Variants in AGBL4 observed in about 807,000 individuals in gnomAD.
The protein encoded by AGBL4 is cytosolic carboxypeptidase 6.
In AGBL4, 58 loss-of-function variants were observed where a neutral mutation model predicts 66.4. The observed-to-expected ratio is 0.87, with a 90% CI of 0.71 to 1.09. AGBL4 has a LOEUF of 1.09. AGBL4 is among the 50% of genes least tolerant of loss of function. AGBL4 has a pLI of 0.00. For missense variants in AGBL4, 579 were observed against 631.0 expected (o/e 0.92, Z 0.88); for synonymous variants, 234 against 222.9 (o/e 1.05, Z -0.44).
intron 1 of AGBL4, among the ~76,000 whole-genome samples, chr1:49,918,976 C>T (rs373987183): frequency 3.3e-5 from 5 of 152,130 alleles, no homozygotes; most frequent in South Asian, 2.1e-4. Context: ...GAACCAAAGA[C>T]AAAAACCACA....
intron 3 of AGBL4, among the ~76,000 whole-genome samples, chr1:49,490,713 G>A (rs988956583): frequency 6.6e-6 from 1 of 151,696 alleles, no homozygotes; most frequent in African/African-American, 2.4e-5. Flanking sequence ...CAAACCACAT[G>A]GTTGGAGTTT....
intron 4 of AGBL4, among the ~76,000 whole-genome samples, chr1:49,223,837 T>C (rs1367173684): frequency 6.6e-6 from 1 of 152,192 alleles, no homozygotes. Flanking sequence ...CCTTTCTATC[T>C]TTCTTCTCTT....
At chr1:49,343,572 G>T (rs1439361738) in intron 3 of AGBL4, among the ~76,000 whole-genome samples, 2 of 152,128 alleles carry the variant, frequency 1.3e-5, no homozygotes, top group African/African-American at 4.8e-5. Context: ...AATTGGCTTT[G>T]GGTTGTCCAC....
intron 5 of AGBL4, among the ~76,000 whole-genome samples, chr1:48,914,824 G>C (rs1303870981): frequency 1.3e-5 from 2 of 152,128 alleles, no homozygotes; most frequent in East Asian, 3.9e-4. Flanking sequence ...TGACACATAA[G>C]GAAGAGGAAG....
At chr1:49,604,373 T>C (rs544950438) in intron 3 of AGBL4, among the ~76,000 whole-genome samples, 3 of 152,352 alleles carry the variant, frequency 2.0e-5, no homozygotes, top group Admixed American at 6.5e-5. Context: ...TTTTTATATG[T>C]TCTTTTGAGA....
rs115014233 is a variant in AGBL4, at chr1:49,337,042, A to G, written c.283-91178T>C. ...ATATCTATCCCATTAGCTTTTTCTAATCATCTCAAGAAAAAGTTCAGCAAG... is the reference window on the plus strand; with the variant it reads ...ATATCTATCCCATTAGCTTTTTCTAGTCATCTCAAGAAAAAGTTCAGCAAG... On this transcript the variant is annotated intron_variant, in intron 3 of 13. Transcript: ENST00000371839. Among the ~76,000 whole-genome samples, 934 of 152,294 alleles carry G rather than the reference A, an allele frequency of 6.1e-3. 11 individuals are homozygous for G. Among genetic ancestry groups the G allele is most frequent in the African/African-American group, 0.022 (901 of 41,574 alleles).
chr1:48,938,528 A>C (rs1655671503), intron 5 of AGBL4, among the ~76,000 whole-genome samples: 1 of 152,162 alleles, frequency 6.6e-6, no homozygotes, highest in Non-Finnish European at 1.5e-5. Flanking sequence ...GAATGATAAG[A>C]AGTCAGCAAA....
chr1:48,844,608 G>A (rs1646872707), intron 6 of AGBL4, among the ~76,000 whole-genome samples: 1 of 152,064 alleles, frequency 6.6e-6, no homozygotes, highest in African/African-American at 2.4e-5. Context: ...CTTCTCCTTT[G>A]CTTAGAACAC....
At chr1:49,287,659 A>G (rs1360981983) in intron 3 of AGBL4, among the ~76,000 whole-genome samples, 16 of 152,122 alleles carry the variant, frequency 1.1e-4, no homozygotes, top group South Asian at 4.2e-4. Flanking sequence ...CAAAACCACA[A>G]TGAGATACCA....
At chr1:49,566,393 A>G (rs1349109843) in intron 3 of AGBL4, among the ~76,000 whole-genome samples, 2 of 151,020 alleles carry the variant, frequency 1.3e-5, no homozygotes, top group Non-Finnish European at 3.0e-5. Context: ...TTAGTTTCCA[A>G]TTTTTCTGCT....
rs1334291421 is a variant in AGBL4 at position 49,008,584 on chromosome 1, GCAC to G, written c.594+36997_594+36999del. ...ATCAACAGAATATACATTTTTTTCA[GCAC>G]CACACCACACCTATTCCAAAATTGA... On this transcript the variant is annotated intron_variant, in intron 5 of 13. Transcript: ENST00000371839. Among the ~76,000 whole-genome samples, 1,004 of 145,148 alleles carry G rather than the reference GCAC, an allele frequency of 6.9e-3. 6 individuals carry two copies. The highest frequency in any genetic ancestry group is 0.025 in the African/African-American group (967 of 38,052).
intron 4 of AGBL4, among the ~76,000 whole-genome samples, chr1:49,167,202 C>G (rs1646651200): frequency 6.6e-6 from 1 of 152,172 alleles, no homozygotes; most frequent in African/African-American, 2.4e-5. Flanking sequence ...AACTTTAGCT[C>G]AAGGCCAATA....
intron 4 of AGBL4, 25 bp downstream of exon 4, chr1:49,245,745 G>A (rs780506112): frequency 6.6e-7 from 1 of 1,514,868 alleles, no homozygotes; most frequent in Non-Finnish European, 9.0e-7. Flanking sequence ...AACCAGGAAG[G>A]GGTCCCATTC....
intron 6 of AGBL4, among the ~76,000 whole-genome samples, chr1:48,772,106 G>A (rs1438976592): frequency 1.3e-5 from 2 of 152,212 alleles, no homozygotes; most frequent in Non-Finnish European, 2.9e-5. Flanking sequence ...TATATGCTGG[G>A]CACTGAGGAT....
intron 4 of AGBL4, among the ~76,000 whole-genome samples, chr1:49,052,445 T>C (rs17105430): frequency 0.06 from 9,091 of 152,270 alleles, 777 homozygotes; most frequent in African/African-American, 0.2. Flanking sequence ...AAGCTCTTGG[T>C]ATATTCTTCC....
intron 2 of AGBL4, among the ~76,000 whole-genome samples, chr1:49,840,830 C>A (rs1645972400): frequency 6.6e-6 from 1 of 152,162 alleles, no homozygotes; most frequent in South Asian, 2.1e-4. Flanking sequence ...AACAGGCAGA[C>A]TTGTTATCAA....
intron 3 of AGBL4, among the ~76,000 whole-genome samples, chr1:49,686,441 C>G (rs971750857): frequency 3.3e-5 from 5 of 152,112 alleles, no homozygotes; most frequent in African/African-American, 1.2e-4. Flanking sequence ...TCAGCCTTGG[C>G]CCCCTGAAAT....
At chr1:49,147,701 G>A (rs951935323) in intron 4 of AGBL4, among the ~76,000 whole-genome samples, 12 of 152,230 alleles carry the variant, frequency 7.9e-5, no homozygotes, top group Non-Finnish European at 1.6e-4. Context: ...AAAAAGGAAA[G>A]AAGCCTAATT....
intron 3 of AGBL4, among the ~76,000 whole-genome samples, chr1:49,512,570 A>G: frequency 6.6e-6 from 1 of 151,710 alleles, no homozygotes; most frequent in Non-Finnish European, 1.5e-5. Context: ...CTACTTCACC[A>G]TGTGACATAC....
Sources: gnomAD v4.1 joint callset for allele counts (sites outside exome capture counted in the v4.1 genomes callset) on GRCh38, gnomAD v4.1.1 for gene constraint, MANE v1.5 for transcripts, NCBI Gene and HGNC (gene_info 2026-07-23, HGNC 2026-07-21) for gene names.